DCTN5: variants seen among roughly 807,000 people sequenced by gnomAD.
DCTN5 encodes the protein dynactin 4.
In DCTN5, 14 loss-of-function variants were observed where a neutral mutation model predicts 23.5. The observed-to-expected ratio is 0.60, with a 90% CI of 0.39 to 0.93. DCTN5 has a LOEUF of 0.93. Among genes scored for constraint, DCTN5 ranks in the 40% least tolerant of loss-of-function variants. DCTN5 has a pLI of 0.00. For synonymous variants in DCTN5, 67 were observed against 79.6 expected (o/e 0.84, Z 0.84); for missense variants, 156 against 225.9 (o/e 0.69, Z 1.98).
chr16:23,664,180 A>T (rs1264767481), intron 4 of DCTN5, among the ~76,000 whole-genome samples: 1 of 152,236 alleles, frequency 6.6e-6, no homozygotes, highest in Non-Finnish European at 1.5e-5. Flanking sequence ...CCCACGGAAG[A>T]TAACTTTACA....
chr16:23,655,301 T>G (rs1967682153), intron 2 of DCTN5, among the ~76,000 whole-genome samples: 1 of 152,220 alleles, frequency 6.6e-6, no homozygotes, highest in Non-Finnish European at 1.5e-5. Flanking sequence ...TTGCTTCATC[T>G]CTAAACTCAC....
chr16:23,645,106 TATATATATATATATATATATATA>T lies in DCTN5; in HGVS notation c.117+2084_117+2106del, dbSNP rs1567228322. 1.3e-3 allele frequency among the ~76,000 whole-genome samples: 42 copies of T among 32,204 alleles called. 1 individual carries two copies. The highest frequency in any genetic ancestry group is 1.4e-3 in the Non-Finnish European group (23 of 16,770). The allele number at this position is 32,204 out of a possible 152,430, so 21.1% of individuals were successfully genotyped here. A position where few individuals can be genotyped will look rare whatever the true frequency, so the allele number is the denominator to read the frequency against. The stretch of plus-strand genomic sequence containing the variant: ...AACTATATATATATATATATATATA[TATATATATATATATATATATATA>T]TATATATATTTTTTTTTTTTTTAAT... On this transcript the variant is annotated intron_variant, in intron 2 of 5. Coordinates refer to ENST00000300087, the MANE Select transcript of DCTN5 (RefSeq NM_032486.4).
intron 4 of DCTN5, among the ~76,000 whole-genome samples, chr16:23,665,056 G>A (rs897922152): frequency 1.3e-5 from 2 of 152,212 alleles, no homozygotes; most frequent in African/African-American, 4.8e-5. Context: ...GAAATAAGAT[G>A]CCTATTCCAG....
Position 23,673,177 on chromosome 16 carries a change from C to T in DCTN5, c.*6033C>T, listed in dbSNP as rs563131284. 5 of 148,594 alleles carry T rather than the reference C, an allele frequency of 3.4e-5. No individual in the cohort carries two copies. The highest frequency in any genetic ancestry group is 6.7e-5 in the Admixed American group (1 of 14,954). 9.2% of individuals were successfully genotyped at this position (148,594 alleles called of 1,614,324 possible). ...AACAACAACAAAAATTCCATGTTGA[C>T]AAGGATGGGAATATGAGAACATGGA... On this transcript the variant is annotated 3_prime_UTR_variant, in exon 6 of 6. Transcript: ENST00000300087.
rs1298595943 is a variant in DCTN5, at chr16:23,657,522, C to A, written c.118-985C>A. 9.6e-6 allele frequency: 4 copies of A among 417,262 alleles called. No individual in the cohort carries two copies. In the Middle Eastern group the frequency reaches 2.3e-3, roughly 242 times the overall value. 25.8% of individuals were successfully genotyped at this position (417,262 alleles called of 1,614,324 possible). ...ATGGCGCGATCTCGGCTCACTGCAA[C>A]CTCCGCCTCCCAGGTTCAAGCGATT... On this transcript the variant is annotated intron_variant, in intron 2 of 5. Transcript: ENST00000300087.
chr16:23,665,629 C>T lies in DCTN5; in HGVS notation c.352C>T (p.Arg118Cys), dbSNP rs373307086. 23 of 1,611,546 alleles carry T rather than the reference C, an allele frequency of 1.4e-5. No homozygotes were observed. Among genetic ancestry groups the T allele is most frequent in the East Asian group, 4.5e-5 (2 of 44,862 alleles). ...ATTAACAAGATTTTAATTTCAGGGG[C>T]GCCGATGTGTGTTGAAAGACTGCTG... Reference protein sequence around the residue: ...VHVGKNCVIGRRCVLKDCCKI... With the variant: ...VHVGKNCVIGCRCVLKDCCKI... Residue 118 changes from arginine (R) to cysteine (C), a missense_variant, in exon 5 of 6, where the codon CGC (arginine) becomes TGC (cysteine). By Grantham distance (180) the Arg-to-Cys change is radical (BLOSUM62 -3). Transcript: ENST00000300087.
At chr16:23,664,843 C>T (rs944800148) in intron 4 of DCTN5, among the ~76,000 whole-genome samples, 3 of 152,128 alleles carry the variant, frequency 2.0e-5, no homozygotes, top group Non-Finnish European at 4.4e-5. Context: ...TTTGAATTGA[C>T]AAAAGAGCAA....
chr16:23,655,176 A>G (rs900577385), intron 2 of DCTN5, among the ~76,000 whole-genome samples: 1 of 152,124 alleles, frequency 6.6e-6, no homozygotes, highest in Non-Finnish European at 1.5e-5. Flanking sequence ...TCCTTTTTAT[A>G]GCTAAATATT....
rs1183636240 is a variant in DCTN5, at chr16:23,667,150, C to T, written c.*6C>T. 6.2e-7 allele frequency: 1 copy of T among 1,612,208 alleles called. No individual in the cohort carries two copies. The highest frequency in any genetic ancestry group is 2.2e-5 in the East Asian group (1 of 44,864). ...TGCCCCTGACGCAAGTCTAGCATCTCTGCCTCATGTCTTGAATCTGCTTGA... is the reference window on the plus strand; with the variant it reads ...TGCCCCTGACGCAAGTCTAGCATCTTTGCCTCATGTCTTGAATCTGCTTGA... On this transcript the variant is annotated 3_prime_UTR_variant, in exon 6 of 6. Coordinates refer to ENST00000300087, the MANE Select transcript of DCTN5 (RefSeq NM_032486.4).
At chr16:23,648,639 C>T (rs937709104) in intron 2 of DCTN5, among the ~76,000 whole-genome samples, 3 of 151,920 alleles carry the variant, frequency 2.0e-5, no homozygotes, top group Non-Finnish European at 4.4e-5. Flanking sequence ...TGTGGGCCAC[C>T]ACACCTGGCC....
At chr16:23,659,757 C>T (rs1046857473) in intron 3 of DCTN5, among the ~76,000 whole-genome samples, 6 of 152,078 alleles carry the variant, frequency 3.9e-5, no homozygotes, top group African/African-American at 1.4e-4. Context: ...AGAACTGGAT[C>T]GGAGAATCAT....
rs1201249516 is a variant in DCTN5, at chr16:23,671,654, T to C, written c.*4510T>C. 6.6e-6 allele frequency: 1 copy of C among 152,210 alleles called. No homozygotes were observed. The highest frequency in any genetic ancestry group is 1.5e-5 in the Non-Finnish European group (1 of 68,042). 9.4% of individuals were successfully genotyped at this position (152,210 alleles called of 1,614,324 possible). A position where few individuals can be genotyped will look rare whatever the true frequency, so the allele number is the denominator to read the frequency against. On this transcript the variant is annotated 3_prime_UTR_variant, in exon 6 of 6. Coordinates refer to ENST00000300087, the MANE Select transcript of DCTN5 (RefSeq NM_032486.4). Reference sequence around the variant, plus strand: ...TCTTACTTGGCTGCAAAATCCATGTTTTATGCAGCTCCTCCACTATCTTGG... The same window carrying C: ...TCTTACTTGGCTGCAAAATCCATGTCTTATGCAGCTCCTCCACTATCTTGG...
Position 23,658,587 on chromosome 16 carries a change from T to C in DCTN5, c.198T>C (p.Arg66=), listed in dbSNP as rs372703502. 1.1e-5 allele frequency: 17 copies of C among 1,614,104 alleles called. No individual in the cohort carries two copies. The highest frequency in any genetic ancestry group is 2.7e-5 in the African/African-American group (2 of 74,938). ...RVGRHCVVKS[R]SVIRPPFKKF... ...GACGTCATTGTGTTGTGAAAAGTCG[T>C]AGTGTCATAAGGCCACCATTCAAGA... Residue 66 remains arginine (R), a synonymous_variant, in exon 3 of 6, where the codon CGT becomes CGC. Transcript: ENST00000300087.
At chr16:23,650,782 C>G (rs987367800) in intron 2 of DCTN5, 1 of 1,533,776 alleles carries the variant, frequency 6.5e-7, no homozygotes, top group East Asian at 2.4e-5. Context: ...TTTTCCTGAG[C>G]CCATATATCA....
intron 4 of DCTN5, among the ~76,000 whole-genome samples, chr16:23,664,883 G>T (rs1967877320): frequency 6.6e-6 from 1 of 152,266 alleles, no homozygotes; most frequent in Non-Finnish European, 1.5e-5. Flanking sequence ...GCTGGTGGAT[G>T]TGGAGTGGAA....
At chr16:23,643,875 CAG>C (rs1967364115) in intron 2 of DCTN5, among the ~76,000 whole-genome samples, 1 of 151,972 alleles carries the variant, frequency 6.6e-6, no homozygotes, top group Non-Finnish European at 1.5e-5. Context: ...GAAAATATCA[CAG>C]GGTATATTTG....
rs1267058654 is a variant in DCTN5 at position 23,667,213 on chromosome 16, G to A, written c.*69G>A. The A allele has an allele frequency of 4.4e-6, 7 of 1,592,334 alleles. No individual in the cohort carries two copies. In the African/African-American group the frequency reaches 8.1e-5, roughly 18 times the overall value. On this transcript the variant is annotated 3_prime_UTR_variant, in exon 6 of 6. Coordinates refer to ENST00000300087, the MANE Select transcript of DCTN5 (RefSeq NM_032486.4). ...ACCTGGGGACAAAGTGAGCCAGTCA[G>A]CACCTACAAAGAGCTTTTGTGTCTT...
In DCTN5 at chr16:23,667,479, C is replaced by A; in HGVS notation, c.*335C>A. On this transcript the variant is annotated 3_prime_UTR_variant, in exon 6 of 6. Transcript: ENST00000300087. The stretch of plus-strand genomic sequence containing the variant: ...ATGGCTGGATCCCGCCTGAAACGGA[C>A]CTGCAGAGCAGCAGCACCCTTCCGG... 1 of 274,876 alleles carries A rather than the reference C, an allele frequency of 3.6e-6. No individual in the cohort carries two copies. Among genetic ancestry groups the A allele is most frequent in the Non-Finnish European group, 7.1e-6 (1 of 140,016 alleles). The allele number at this position is 274,876 out of a possible 1,614,324, so 17.0% of individuals were successfully genotyped here.
intron 2 of DCTN5, among the ~76,000 whole-genome samples, chr16:23,656,261 TATC>T (rs1191005374): frequency 2.0e-5 from 3 of 152,146 alleles, no homozygotes; most frequent in African/African-American, 7.2e-5. Flanking sequence ...GTATCACTGT[TATC>T]ATGTTAATAT....
Sources: gnomAD v4.1 joint callset for allele counts (sites outside exome capture counted in the v4.1 genomes callset) on GRCh38, gnomAD v4.1.1 for gene constraint, MANE v1.5 for transcripts, NCBI Gene and HGNC (gene_info 2026-07-23, HGNC 2026-07-21) for gene names.